Variants in NAV3 observed in about 807,000 individuals in gnomAD.
NAV3 encodes neuron navigator 3.
Under a neutral mutation model 244.7 loss-of-function variants are expected in NAV3, and 87 were observed. The ratio of observed to expected loss-of-function variants is 0.36; its 90% CI spans 0.30 to 0.42. The LOEUF is 0.42. Ranked by LOEUF, NAV3 falls within the 20% of genes least tolerant of loss-of-function variation. NAV3 has a pLI of 1.00. For synonymous variants in NAV3, 1,126 were observed against 1,042.2 expected, an observed-to-expected ratio of 1.08 and a Z score of -1.55; for missense variants, 2,663 against 2,893.3, an observed-to-expected ratio of 0.92 and a Z score of 1.83.
chr12:77,846,759 AT>A (rs1193169356), intron 1 of NAV3, among the ~76,000 whole-genome samples: 1 of 152,160 alleles, frequency 6.6e-6, no homozygotes, highest in African/African-American at 2.4e-5. Flanking sequence ...TTTAACAGGA[AT>A]TTTTCAAATT....
At chr12:78,202,873 A>G (rs753352697) in intron 38 of NAV3, among the ~76,000 whole-genome samples, 2 of 152,092 alleles carry the variant, frequency 1.3e-5, no homozygotes, top group Non-Finnish European at 2.9e-5. Context: ...ATCTGTCGTG[A>G]TCCATTCCCA....
At position 78,188,640 on chromosome 12, in the gene NAV3, G is replaced by A. The variant is rs1226339233; in HGVS notation, c.5918G>A (p.Ser1973Asn). ...EYVFRIDTST[S>N]LGLSSDCIAS... Reference sequence around the variant, plus strand: ...GTATTCCGAATTGATACATCCACTAGCCTTGGTCTGAGCTCTGACTGCATT... The same window carrying A: ...GTATTCCGAATTGATACATCCACTAACCTTGGTCTGAGCTCTGACTGCATT... Residue 1973 changes from serine to asparagine, a missense_variant, in exon 33 of 40, where the codon AGC (serine) becomes AAC (asparagine). Ser to Asn is a conservative substitution (Grantham distance 46). Coordinates refer to ENST00000397909, the MANE Select transcript of NAV3 (RefSeq NM_001024383.2). The A allele has an allele frequency of 6.2e-7, 1 of 1,611,810 alleles. No individual in the cohort carries two copies. Among genetic ancestry groups the A allele is most frequent in the Admixed American group, 1.7e-5 (1 of 59,838 alleles).
At chr12:78,158,761 G>A (rs1026249061) in intron 22 of NAV3, among the ~76,000 whole-genome samples, 9 of 152,140 alleles carry the variant, frequency 5.9e-5, no homozygotes, top group Non-Finnish European at 1.2e-4. Context: ...CAATAGAGCA[G>A]CTAACAATAT....
intron 1 of NAV3, among the ~76,000 whole-genome samples, chr12:77,926,085 T>C (rs979236113): frequency 2.0e-5 from 3 of 152,172 alleles, no homozygotes; most frequent in Admixed American, 6.6e-5. Context: ...GGATTAGTAC[T>C]CCCTGTGCAC....
At chr12:78,092,491 C>CTTT (rs71088358) in intron 12 of NAV3, among the ~76,000 whole-genome samples, 2,378 of 64,032 alleles carry the variant, frequency 0.037, 259 homozygotes, top group Non-Finnish European at 0.059. Flanking sequence ...TAGTTATTTT[C>CTTT]TTTTTTTTTT....
chr12:77,578,937 T>C (rs1045308634), intron 2 of NAV3, among the ~76,000 whole-genome samples: 23 of 152,142 alleles, frequency 1.5e-4, no homozygotes, highest in Non-Finnish European at 2.8e-4. Flanking sequence ...AGACATTTAT[T>C]GAATCAGATA....
chr12:78,005,736 C>A (rs1874089579), intron 7 of NAV3, among the ~76,000 whole-genome samples: 8 of 152,164 alleles, frequency 5.3e-5, no homozygotes, highest in Admixed American at 5.2e-4. Flanking sequence ...TTGAATGAAG[C>A]TTACTAAGCT....
intron 2 of NAV3, among the ~76,000 whole-genome samples, chr12:77,690,553 T>G (rs549116823): frequency 2.6e-5 from 4 of 151,492 alleles, no homozygotes; most frequent in Admixed American, 2.6e-4. Context: ...ATCCCATCTC[T>G]ACTGTAAATG....
At chr12:78,094,466 C>A (rs1954125190) in intron 12 of NAV3, among the ~76,000 whole-genome samples, 1 of 152,116 alleles carries the variant, frequency 6.6e-6, no homozygotes, top group African/African-American at 2.4e-5. Flanking sequence ...AAAAATTGTA[C>A]TTTGTAAAAT....
At position 77,968,646 on chromosome 12, in the gene NAV3, C is replaced by A. The variant is rs370465278; in HGVS notation, c.615C>A (p.His205Gln). The A allele has an allele frequency of 1.2e-6, 2 of 1,614,106 alleles. No homozygotes were observed. The highest frequency in any genetic ancestry group is 1.3e-5 in the African/African-American group (1 of 75,050). ...TGGAACTTCAGCAGCGAGTTACTCA[C>A]GCTTCCCCTCCATCGGAAGCCAGCC... Reference protein sequence around the residue: ...SLVELQQRVTHASPPSEASQA... With the variant: ...SLVELQQRVTQASPPSEASQA... Residue 205 changes from histidine (H) to glutamine (Q), a missense_variant, in exon 5 of 40, where the codon CAC becomes CAA. His to Gln is a conservative substitution (Grantham distance 24). Coordinates refer to ENST00000397909, the MANE Select transcript of NAV3 (RefSeq NM_001024383.2).
At chr12:78,026,042 C>T (rs988986681) in intron 9 of NAV3, among the ~76,000 whole-genome samples, 10 of 152,190 alleles carry the variant, frequency 6.6e-5, no homozygotes, top group African/African-American at 2.4e-4. Flanking sequence ...TCAAACCTTA[C>T]TGTTCCTTTT....
rs531570954 is a variant in NAV3, at chr12:77,585,645, G to A, written c.72+13379G>A. The stretch of plus-strand genomic sequence containing the variant: ...GCATGTATAGTTCACAGTAGGGTTC[G>A]TACTCACTCCTACGAGAACCTAACA... On this transcript the variant is annotated intron_variant, in intron 2 of 8. Transcript: ENST00000550042. Among the ~76,000 whole-genome samples the A allele has an allele frequency of 4.6e-5, 7 of 152,212 alleles. No individual in the cohort carries two copies. In the South Asian group the frequency reaches 8.3e-4, roughly 18 times the overall value.
chr12:77,765,578 C>A (rs1419732515), intron 2 of NAV3, among the ~76,000 whole-genome samples: 1 of 151,972 alleles, frequency 6.6e-6, no homozygotes, highest in African/African-American at 2.4e-5. Context: ...AGGGGCAATC[C>A]AAATGAAAGA....
rs761175983 is a variant in NAV3 at position 78,189,936 on chromosome 12, G to T, written c.6056-48G>T. 43 of 1,375,972 alleles carry T rather than the reference G, an allele frequency of 3.1e-5. 1 individual carries two copies. The East Asian group carries it at 9.5e-4, about 30-fold the overall frequency. The allele number at this position is 1,375,972 out of a possible 1,614,324, so 85.2% of individuals were successfully genotyped here. ...GTTTAGCATGATATTTTAAATTCTA[G>T]CTTATGTAGAACAATAAATCATGCT... On this transcript the variant is annotated intron_variant, in intron 33 of 39. Coordinates refer to ENST00000397909, the MANE Select transcript of NAV3 (RefSeq NM_001024383.2).
intron 18 of NAV3, among the ~76,000 whole-genome samples, chr12:78,136,215 G>A (rs150432388): frequency 1.7e-3 from 262 of 152,246 alleles, no homozygotes; most frequent in African/African-American, 5.5e-3. Context: ...GAAAATACTC[G>A]TTAGTTCCCT....
At chr12:77,713,958 T>C (rs887312152) in intron 2 of NAV3, among the ~76,000 whole-genome samples, 3 of 152,174 alleles carry the variant, frequency 2.0e-5, no homozygotes, top group African/African-American at 7.2e-5. Flanking sequence ...AATATTATTG[T>C]CATCATTACT....
chr12:77,634,671 AT>A (rs1872074973), intron 2 of NAV3, among the ~76,000 whole-genome samples: 1 of 152,174 alleles, frequency 6.6e-6, no homozygotes, highest in African/African-American at 2.4e-5. Context: ...TTCCTTAAAA[AT>A]ATATCTGTGC....
At chr12:77,737,278 A>G (rs896550661) in intron 2 of NAV3, among the ~76,000 whole-genome samples, 1 of 149,908 alleles carries the variant, frequency 6.7e-6, no homozygotes, top group African/African-American at 2.5e-5. Context: ...AGGCCTTTGG[A>G]AATGCTGCGT....
intron 2 of NAV3, among the ~76,000 whole-genome samples, chr12:77,799,154 T>G (rs893153851): frequency 1.3e-5 from 2 of 152,178 alleles, no homozygotes; most frequent in African/African-American, 4.8e-5. Context: ...CATGAAGGTA[T>G]CTTTGTATAG....
Sources: allele counts gnomAD v4.1 joint callset (sites outside exome capture counted in the v4.1 genomes callset), GRCh38; gene constraint gnomAD v4.1.1; transcripts MANE v1.5; gene names NCBI Gene and HGNC (gene_info 2026-07-23, HGNC 2026-07-21).